The following CAP2 variants were observed in gnomAD, a reference collection of about 807,000 sequenced individuals.
CAP2 encodes adenylyl cyclase-associated protein 2.
Under a neutral mutation model 57.7 loss-of-function variants are expected in CAP2, and 24 were observed. That is an observed-to-expected ratio of 0.42 (90% CI 0.30 to 0.58). The LOEUF (loss-of-function observed/expected upper bound fraction) is 0.58, where lower values mean the gene tolerates loss of function less well. CAP2 is among the 20% of genes least tolerant of loss of function. CAP2 has a pLI of 0.22. For synonymous variants in CAP2, 194 were observed against 207.2 expected (o/e 0.94, Z 0.55); for missense variants, 501 against 590.3 (o/e 0.85, Z 1.57).
chr6:17,455,631 G>C (rs1291714420), intron 3 of CAP2, among the ~76,000 whole-genome samples: 2 of 151,918 alleles, frequency 1.3e-5, no homozygotes, highest in African/African-American at 4.8e-5. Flanking sequence ...CGCCTCCCGG[G>C]TTCATGCTGT....
intron 3 of CAP2, among the ~76,000 whole-genome samples, chr6:17,435,051 G>A (rs57944522): frequency 0.029 from 3,720 of 126,394 alleles, 102 homozygotes; most frequent in African/African-American, 0.1. Context: ...GAGAGGATGC[G>A]GAGAAATAGG....
chr6:17,407,230 C>T (rs1759001706), intron 1 of CAP2, among the ~76,000 whole-genome samples: 1 of 152,120 alleles, frequency 6.6e-6, no homozygotes, highest in Non-Finnish European at 1.5e-5. Flanking sequence ...TTACTTTGGG[C>T]TCCCAGGTTC....
Position 17,546,550 on chromosome 6 carries a change from T to G in CAP2, c.1209+3407T>G, listed in dbSNP as rs190887461. 4.9e-4 allele frequency among the ~76,000 whole-genome samples: 74 copies of G among 152,338 alleles called. 1 individual carries two copies. Among genetic ancestry groups the G allele is most frequent in the African/African-American group, 1.7e-3 (69 of 41,598 alleles). ...CTGTGCAGAAGCTCTTTAGTTTAATTAGATCCCATTTGTCAATTTTGGCTT... is the reference window on the plus strand; with the variant it reads ...CTGTGCAGAAGCTCTTTAGTTTAATGAGATCCCATTTGTCAATTTTGGCTT... On this transcript the variant is annotated intron_variant, in intron 11 of 12. Transcript: ENST00000229922.
chr6:17,476,979 C>A (rs1761164568), intron 4 of CAP2, among the ~76,000 whole-genome samples: 1 of 150,160 alleles, frequency 6.7e-6, no homozygotes, highest in African/African-American at 2.5e-5. Flanking sequence ...TCAAGTGATC[C>A]TCCTGCCTCA....
chr6:17,527,659 C>T (rs1386162853), intron 7 of CAP2, among the ~76,000 whole-genome samples: 9 of 145,618 alleles, frequency 6.2e-5, no homozygotes, highest in Admixed American at 1.4e-4. Context: ...TGCAGTGGCA[C>T]GATCTCGGCT....
intron 4 of CAP2, among the ~76,000 whole-genome samples, chr6:17,473,648 G>C (rs113452134): frequency 7.2e-4 from 110 of 152,318 alleles, no homozygotes; most frequent in African/African-American, 2.5e-3. Context: ...AGCTGTATAT[G>C]TGAAAATTGA....
chr6:17,509,298 A>G (rs1221493590), intron 6 of CAP2, among the ~76,000 whole-genome samples: 1 of 152,142 alleles, frequency 6.6e-6, no homozygotes, highest in Non-Finnish European at 1.5e-5. Flanking sequence ...TTTATAAAAT[A>G]CACACGAGAT....
At chr6:17,447,584 C>T (rs998792128) in intron 3 of CAP2, among the ~76,000 whole-genome samples, 8 of 152,216 alleles carry the variant, frequency 5.3e-5, no homozygotes, top group African/African-American at 1.9e-4. Context: ...CTGCAACCTC[C>T]ACCACCTGGG....
chr6:17,477,022 G>A (rs1431482510), intron 4 of CAP2, among the ~76,000 whole-genome samples: 1 of 151,720 alleles, frequency 6.6e-6, no homozygotes, highest in Non-Finnish European at 1.5e-5. Flanking sequence ...CAGGTGTGTA[G>A]CCACTCCCAG....
In CAP2 at chr6:17,542,999, T is replaced by C. The variant is rs1409998971; in HGVS notation, c.1126+39T>C. On this transcript the variant is annotated intron_variant, in intron 10 of 12. Coordinates refer to ENST00000229922, the MANE Select transcript of CAP2 (RefSeq NM_006366.3). ...ATGGCTCTATGGTTATTATGATGTTTTATAAACAAGCTGTATGTATTTAGT... is the reference window on the plus strand; with the variant it reads ...ATGGCTCTATGGTTATTATGATGTTCTATAAACAAGCTGTATGTATTTAGT... 1.9e-6 allele frequency: 3 copies of C among 1,612,970 alleles called. No homozygotes were observed. In the South Asian group the frequency reaches 3.3e-5, roughly 18 times the overall value.
intron 1 of CAP2, among the ~76,000 whole-genome samples, chr6:17,400,634 C>T (rs181322955): frequency 1.4e-3 from 213 of 152,036 alleles, no homozygotes; most frequent in Non-Finnish European, 2.4e-3. Flanking sequence ...GAGGCTGAGG[C>T]GGGCAGATCA....
chr6:17,533,818 G>T (rs1028650895), intron 7 of CAP2, among the ~76,000 whole-genome samples: 20 of 152,042 alleles, frequency 1.3e-4, no homozygotes, highest in African/African-American at 4.8e-4. Context: ...CACCCACCTC[G>T]GCCTCCCAAA....
At chr6:17,551,630 A>G in intron 12 of CAP2, 26 bp downstream of exon 12, 3 of 1,540,580 alleles carry the variant, frequency 1.9e-6, no homozygotes, top group East Asian at 2.3e-5. Flanking sequence ...AAGGCTGTCA[A>G]GAATTTTTCT....
intron 3 of CAP2, among the ~76,000 whole-genome samples, chr6:17,451,902 G>A (rs540746444): frequency 2.5e-4 from 38 of 152,260 alleles, no homozygotes; most frequent in African/African-American, 8.7e-4. Flanking sequence ...GAAAAAAAAT[G>A]TTTGACATAG....
chr6:17,405,709 ATTATTT>A (rs1231245438), intron 1 of CAP2, among the ~76,000 whole-genome samples: 4 of 152,034 alleles, frequency 2.6e-5, no homozygotes, highest in African/African-American at 4.8e-5. Flanking sequence ...TTGTTTATTT[ATTATTT>A]TTATTTTTAT....
Position 17,537,744 on chromosome 6 carries a change from T to C in CAP2, c.637-1525T>C, listed in dbSNP as rs369299169. Among the ~76,000 whole-genome samples, 9 of 152,260 alleles carry C rather than the reference T, an allele frequency of 5.9e-5. No individual in the cohort carries two copies. In the East Asian group the frequency reaches 1.2e-3, roughly 20 times the overall value. ...TTAATTTGTTTATAGTTCCCTATTA[T>C]AGGTATACAGTTCTACTTGAGGGTT... On this transcript the variant is annotated intron_variant, in intron 7 of 12. Coordinates refer to ENST00000229922, the MANE Select transcript of CAP2 (RefSeq NM_006366.3).
At chr6:17,474,333 T>A (rs1463243954) in intron 4 of CAP2, among the ~76,000 whole-genome samples, 1 of 151,434 alleles carries the variant, frequency 6.6e-6, no homozygotes, top group Non-Finnish European at 1.5e-5. Context: ...AAAAAAAAAA[T>A]GGGCATGTCA....
At chr6:17,540,222 C>A (rs1393084815) in intron 8 of CAP2, among the ~76,000 whole-genome samples, 1 of 152,160 alleles carries the variant, frequency 6.6e-6, no homozygotes, top group Non-Finnish European at 1.5e-5. Context: ...ACTGGTTCTG[C>A]TGTGCCTTGT....
intron 7 of CAP2, among the ~76,000 whole-genome samples, chr6:17,524,743 C>T (rs1762464001): frequency 6.6e-6 from 1 of 152,102 alleles, no homozygotes; most frequent in South Asian, 2.1e-4. Context: ...GTGGGCATGT[C>T]TTCTGGAGAG....
Sources: allele counts gnomAD v4.1 joint callset (sites outside exome capture counted in the v4.1 genomes callset), GRCh38; gene constraint gnomAD v4.1.1; transcripts MANE v1.5; gene names NCBI Gene and HGNC (gene_info 2026-07-23, HGNC 2026-07-21).